Variants in MAD1L1 observed in about 807,000 individuals in gnomAD.
MAD1L1 encodes the protein mitotic spindle assembly checkpoint protein MAD1.
MAD1L1 carries 95 observed loss-of-function variants against 96.9 expected under a neutral mutation model. The observed-to-expected ratio is 0.98, with a 90% confidence interval of 0.83 to 1.16. The LOEUF (loss-of-function observed/expected upper bound fraction) is 1.16, where lower values mean the gene tolerates loss of function less well. Ranked by LOEUF, MAD1L1 falls within the 50% of genes most tolerant of loss-of-function variation. MAD1L1 has a pLI of 0.00. For synonymous variants in MAD1L1, 473 were observed against 396.6 expected, an observed-to-expected ratio of 1.19 and a Z score of -2.29; for missense variants, 1,007 against 954.4, an observed-to-expected ratio of 1.06 and a Z score of -0.73.
intron 14 of MAD1L1, among the ~76,000 whole-genome samples, chr7:1,990,535 G>A (rs1379384154): frequency 1.3e-5 from 2 of 152,246 alleles, no homozygotes; most frequent in African/African-American, 2.4e-5. Flanking sequence ...ATGTGCGCCT[G>A]AGCTGGGAAA....
chr7:1,833,137 G>A (rs1376424855), intron 18 of MAD1L1, among the ~76,000 whole-genome samples: 2 of 152,202 alleles, frequency 1.3e-5, no homozygotes, highest in African/African-American at 2.4e-5. Context: ...AAGACATAAT[G>A]CTATTGTACA....
At chr7:2,025,178 C>T (rs554023848) in intron 12 of MAD1L1, among the ~76,000 whole-genome samples, 27 of 152,228 alleles carry the variant, frequency 1.8e-4, no homozygotes, top group South Asian at 6.2e-4. Flanking sequence ...TTTCTGTAAA[C>T]CTTAAACTCT....
intron 12 of MAD1L1, among the ~76,000 whole-genome samples, chr7:2,049,101 C>G (rs893481127): frequency 4.6e-5 from 7 of 152,212 alleles, no homozygotes; most frequent in African/African-American, 1.4e-4. Flanking sequence ...TCAAAGCATT[C>G]CCTCATGTAA....
intron 17 of MAD1L1, among the ~76,000 whole-genome samples, chr7:1,906,900 G>A (rs1366988450): frequency 1.3e-5 from 2 of 152,168 alleles, no homozygotes; most frequent in African/African-American, 4.8e-5. Flanking sequence ...GTTTATCCCC[G>A]AACACGTGTG....
At chr7:2,023,868 G>A (rs1782887806) in intron 12 of MAD1L1, among the ~76,000 whole-genome samples, 1 of 152,080 alleles carries the variant, frequency 6.6e-6, no homozygotes, top group Non-Finnish European at 1.5e-5. Flanking sequence ...AGAATCGCTT[G>A]AACCTGGGAG....
At chr7:2,022,300 C>T (rs999660902) in intron 12 of MAD1L1, among the ~76,000 whole-genome samples, 8 of 152,242 alleles carry the variant, frequency 5.3e-5, no homozygotes, top group Non-Finnish European at 1.0e-4. Flanking sequence ...CAAAGGCCAT[C>T]TGACCATGGG....
At chr7:1,901,054 C>T (rs541393592) in intron 17 of MAD1L1, among the ~76,000 whole-genome samples, 1 of 152,274 alleles carries the variant, frequency 6.6e-6, no homozygotes, top group Non-Finnish European at 1.5e-5. Context: ...AAGGGTCCAT[C>T]CTCCATGCCA....
chr7:2,094,696 T>C (rs1786390738), intron 11 of MAD1L1, among the ~76,000 whole-genome samples: 1 of 152,026 alleles, frequency 6.6e-6, no homozygotes, highest in Non-Finnish European at 1.5e-5. Flanking sequence ...GGAGCGTGGA[T>C]GGCAGGTGCA....
At chr7:2,229,171 G>A (rs551003657) in intron 3 of MAD1L1, among the ~76,000 whole-genome samples, 5 of 152,286 alleles carry the variant, frequency 3.3e-5, no homozygotes, top group Admixed American at 6.5e-5. Flanking sequence ...CCTCTAATGC[G>A]GACAGAACTA....
At chr7:2,124,242 G>T (rs955088018) in intron 11 of MAD1L1, among the ~76,000 whole-genome samples, 64 of 152,218 alleles carry the variant, frequency 4.2e-4, no homozygotes, top group African/African-American at 1.5e-3. Flanking sequence ...ACATGGAGAG[G>T]AGGCAAGCCC....
chr7:2,129,450 A>G (rs1332685120), intron 11 of MAD1L1, among the ~76,000 whole-genome samples: 1 of 152,226 alleles, frequency 6.6e-6, no homozygotes, highest in Non-Finnish European at 1.5e-5. Context: ...GGCTCCTGCT[A>G]GGCAGCGCCC....
At position 2,153,021 on chromosome 7, in the gene MAD1L1, A is replaced by G. The variant is rs185166951; in HGVS notation, c.987-3783T>C. Among the ~76,000 whole-genome samples the G allele has an allele frequency of 2.5e-4, 38 of 152,362 alleles. No individual in the cohort carries two copies. The East Asian group carries it at 7.3e-3, about 29-fold the overall frequency. On this transcript the variant is annotated intron_variant, in intron 10 of 18. Transcript: ENST00000265854. ...TCAATCAAAAGAAAATGTGTTCCCC[A>G]TATACAAAAATCAACTGGAGATGGA...
intron 17 of MAD1L1, among the ~76,000 whole-genome samples, chr7:1,913,897 G>C (rs927246077): frequency 6.6e-6 from 1 of 152,154 alleles, no homozygotes; most frequent in Non-Finnish European, 1.5e-5. Flanking sequence ...CCCCCTCACA[G>C]TTCCTCCTGG....
chr7:1,926,726 G>A (rs945160993), intron 17 of MAD1L1, among the ~76,000 whole-genome samples: 24 of 152,192 alleles, frequency 1.6e-4, no homozygotes, highest in Non-Finnish European at 2.6e-4. Flanking sequence ...TGGAAAGAGC[G>A]TTTTCAGCTT....
intron 18 of MAD1L1, among the ~76,000 whole-genome samples, chr7:1,818,526 G>A (rs916892957): frequency 1.3e-5 from 2 of 152,220 alleles, no homozygotes; most frequent in South Asian, 2.1e-4. Context: ...TGACAGGCAT[G>A]TGCCAGCACA....
intron 17 of MAD1L1, among the ~76,000 whole-genome samples, chr7:1,928,088 C>T (rs1388658621): frequency 6.6e-6 from 1 of 152,158 alleles, no homozygotes; most frequent in African/African-American, 2.4e-5. Flanking sequence ...CAGTCGGAGC[C>T]CACGACGGAA....
intron 17 of MAD1L1, among the ~76,000 whole-genome samples, chr7:1,907,327 T>A (rs1473164369): frequency 6.6e-6 from 1 of 152,104 alleles, no homozygotes; most frequent in Non-Finnish European, 1.5e-5. Flanking sequence ...GCAGCAACTC[T>A]CGATTTAGGG....
At chr7:2,075,969 AGCCCACGGCGTG>A (rs1270512966) in intron 11 of MAD1L1, among the ~76,000 whole-genome samples, 1 of 152,190 alleles carries the variant, frequency 6.6e-6, no homozygotes, top group Non-Finnish European at 1.5e-5. Flanking sequence ...GGAGCACAGG[AGCCCACGGCGTG>A]GCCACCGCGG....
At chr7:2,116,214 C>A (rs770855974) in intron 11 of MAD1L1, among the ~76,000 whole-genome samples, 1 of 152,206 alleles carries the variant, frequency 6.6e-6, no homozygotes, top group Non-Finnish European at 1.5e-5. Flanking sequence ...CAGAAGGGAG[C>A]GAGAGCCAGG....
Sources: gnomAD v4.1 joint callset for allele counts (sites outside exome capture counted in the v4.1 genomes callset) on GRCh38, gnomAD v4.1.1 for gene constraint, MANE v1.5 for transcripts, NCBI Gene and HGNC (gene_info 2026-07-23, HGNC 2026-07-21) for gene names.